Variants in ERC2 observed in about 807,000 individuals in gnomAD.
ERC2 encodes ERC protein 2.
A neutral mutation model predicts 114.8 loss-of-function variants in ERC2; 42 were observed. That is an observed-to-expected ratio of 0.37 (90% CI 0.29 to 0.47). The LOEUF is 0.47. ERC2 is among the 20% of genes least tolerant of loss of function. ERC2 has a pLI of 0.99. For synonymous variants in ERC2, 454 were observed against 425.5 expected (o/e 1.07, Z -0.82); for missense variants, 939 against 1,150.7 (o/e 0.82, Z 2.66).
intron 17 of ERC2, among the ~76,000 whole-genome samples, chr3:55,559,904 T>A (rs745579078): frequency 4.6e-5 from 7 of 152,196 alleles, no homozygotes; most frequent in Non-Finnish European, 1.0e-4. Context: ...AGCGTACGGA[T>A]GGCCATGCTA....
At chr3:55,628,960 T>TATGAGGAATTTTTTAC (rs11268750) in intron 17 of ERC2, among the ~76,000 whole-genome samples, 142,554 of 152,088 alleles carry the variant, frequency 0.94, 66,856 homozygotes, top group East Asian at 1. Flanking sequence ...ACCTTTCTTA[T>TATGAGGAATTTTTTAC]ATGAATGAAG....
At chr3:56,078,378 T>C (rs2077074038) in intron 7 of ERC2, among the ~76,000 whole-genome samples, 1 of 152,202 alleles carries the variant, frequency 6.6e-6, no homozygotes, top group African/African-American at 2.4e-5. Flanking sequence ...TGTGACAGAC[T>C]CTATTCTGTA....
chr3:56,029,729 T>C (rs2074264560), intron 7 of ERC2, among the ~76,000 whole-genome samples: 1 of 152,140 alleles, frequency 6.6e-6, no homozygotes, highest in Non-Finnish European at 1.5e-5. Context: ...TTCTCAGGGT[T>C]TCTGGAGATT....
At chr3:55,817,823 C>T (rs572658120) in intron 14 of ERC2, among the ~76,000 whole-genome samples, 91 of 152,308 alleles carry the variant, frequency 6.0e-4, no homozygotes, top group African/African-American at 2.2e-3. Context: ...GGAACACAAA[C>T]AGCCTTCAGT....
chr3:55,999,509 A>G (rs1032963788), intron 10 of ERC2, among the ~76,000 whole-genome samples: 3 of 152,110 alleles, frequency 2.0e-5, no homozygotes, highest in Admixed American at 6.6e-5. Flanking sequence ...AACAAAAAAC[A>G]ACTATACTAT....
chr3:55,534,357 C>T (rs1474005587), intron 17 of ERC2, among the ~76,000 whole-genome samples: 2 of 145,146 alleles, frequency 1.4e-5, no homozygotes, highest in African/African-American at 2.5e-5. Flanking sequence ...GCAATCATAC[C>T]AACGTACTCC....
At chr3:56,090,899 C>G (rs1266606613) in intron 6 of ERC2, among the ~76,000 whole-genome samples, 1 of 152,058 alleles carries the variant, frequency 6.6e-6, no homozygotes, top group East Asian at 1.9e-4. Context: ...AAATTGTGAT[C>G]TCTAAACCAT....
At chr3:56,071,455 G>C (rs1477564262) in intron 7 of ERC2, among the ~76,000 whole-genome samples, 1 of 152,202 alleles carries the variant, frequency 6.6e-6, no homozygotes, top group Non-Finnish European at 1.5e-5. Flanking sequence ...CAGGTTTACT[G>C]TTGTCTCATG....
chr3:55,863,892 T>C (rs1206162578), intron 14 of ERC2, among the ~76,000 whole-genome samples: 1 of 151,596 alleles, frequency 6.6e-6, no homozygotes, highest in Non-Finnish European at 1.5e-5. Flanking sequence ...TATCTCAAAA[T>C]CTCAATAGCC....
intron 14 of ERC2, among the ~76,000 whole-genome samples, chr3:55,810,465 C>CTTTTTTTTTTTTTTTTTTTTT (rs11318195): frequency 6.8e-6 from 1 of 146,424 alleles, no homozygotes. Context: ...CTCTCTCCCT[C>CTTTTTTTTTTTTTTTTTTTTT]TTTTTTTTTT....
At chr3:56,195,852 A>G (rs1174567666) in intron 3 of ERC2, among the ~76,000 whole-genome samples, 1 of 151,924 alleles carries the variant, frequency 6.6e-6, no homozygotes, top group Admixed American at 6.6e-5. Context: ...AAAATAGGTC[A>G]ATACCATACA....
chr3:55,867,797 T>C (rs2062394387), intron 14 of ERC2, among the ~76,000 whole-genome samples: 1 of 152,206 alleles, frequency 6.6e-6, no homozygotes, highest in South Asian at 2.1e-4. Context: ...AGATGTAATG[T>C]CACTGCTATT....
chr3:55,773,193 A>G (rs2068350695), intron 14 of ERC2, among the ~76,000 whole-genome samples: 2 of 152,146 alleles, frequency 1.3e-5, no homozygotes, highest in African/African-American at 4.8e-5. Context: ...GCTCCTAATT[A>G]CTTGCCTAAC....
chr3:56,264,698 T>C (rs142740011), intron 3 of ERC2, among the ~76,000 whole-genome samples: 57 of 150,968 alleles, frequency 3.8e-4, no homozygotes, highest in Admixed American at 3.2e-3. Flanking sequence ...ATCCTACATG[T>C]AGAAAGCCCT....
At position 56,434,492 on chromosome 3, in the gene ERC2, G is replaced by C. The variant is rs1456767181; in HGVS notation, c.516C>G (p.Asp172Glu). The C allele has an allele frequency of 1.2e-6, 2 of 1,614,004 alleles. No individual in the cohort carries two copies. The highest frequency in any genetic ancestry group is 8.5e-7 in the Non-Finnish European group (1 of 1,179,892). Residue 172 changes from aspartate (D) to glutamate (E), a missense_variant, in exon 2 of 18, where the codon GAC (aspartate) becomes GAG (glutamate). Coordinates refer to ENST00000288221, the MANE Select transcript of ERC2 (RefSeq NM_015576.3). ...DLLRKELDIKDSKLGSSMNSI... is the reference protein window; with the variant it reads ...DLLRKELDIKESKLGSSMNSI... ...TGTTCATGGAAGATCCCAATTTGCT[G>C]TCCTTGATGTCTAGCTCTTTCCGGA...
chr3:55,759,259 T>C (rs1405621593), intron 14 of ERC2, among the ~76,000 whole-genome samples: 1 of 152,152 alleles, frequency 6.6e-6, no homozygotes, highest in East Asian at 1.9e-4. Context: ...CTTGTCATTT[T>C]GAAAATTACA....
chr3:56,374,375 G>T (rs1369331589), intron 2 of ERC2, among the ~76,000 whole-genome samples: 1 of 152,128 alleles, frequency 6.6e-6, no homozygotes, highest in African/African-American at 2.4e-5. Flanking sequence ...GTAATTACAG[G>T]CAAGAGCCAC....
intron 12 of ERC2, among the ~76,000 whole-genome samples, chr3:55,961,719 G>A (rs920613931): frequency 1.3e-5 from 2 of 152,014 alleles, no homozygotes; most frequent in African/African-American, 4.8e-5. Flanking sequence ...AAATTATTTA[G>A]GAATGTGCAT....
intron 14 of ERC2, among the ~76,000 whole-genome samples, chr3:55,833,381 G>C (rs2060711531): frequency 6.6e-6 from 1 of 151,200 alleles, no homozygotes; most frequent in Admixed American, 6.6e-5. Flanking sequence ...TACCCACAAA[G>C]GGAATCCCAT....
Sources: allele counts gnomAD v4.1 joint callset (sites outside exome capture counted in the v4.1 genomes callset), GRCh38; gene constraint gnomAD v4.1.1; transcripts MANE v1.5; gene names NCBI Gene and HGNC (gene_info 2026-07-23, HGNC 2026-07-21).